Variants in PRR16 observed in about 807,000 individuals in gnomAD.
PRR16 encodes the protein proline rich 16.
PRR16 carries 6 observed loss-of-function variants against 18.2 expected under a neutral mutation model. The observed-to-expected ratio is 0.33, with a 90% CI of 0.18 to 0.65. The LOEUF is 0.65. PRR16 is among the 30% of genes least tolerant of loss of function. PRR16 has a pLI of 0.74. For synonymous variants in PRR16, 151 were observed against 147.8 expected (o/e 1.02, Z -0.16); for missense variants, 412 against 376.6 (o/e 1.09, Z -0.78).
intron 1 of PRR16, among the ~76,000 whole-genome samples, chr5:120,602,984 G>A (rs1395207048): frequency 6.6e-6 from 1 of 151,882 alleles, no homozygotes; most frequent in Non-Finnish European, 1.5e-5. Flanking sequence ...TGTTGAGGAT[G>A]TTTGCATCTA....
chr5:120,719,843 TTA>T, the PRR16 span, among the ~76,000 whole-genome samples: 6 of 152,024 alleles, frequency 3.9e-5, no homozygotes, highest in Non-Finnish European at 7.4e-5. Flanking sequence ...ACATATGAAT[TTA>T]TGTTAGGTGA....
the PRR16 span, among the ~76,000 whole-genome samples, chr5:120,779,673 A>T: frequency 1.4e-3 from 205 of 150,994 alleles, 1 homozygote; most frequent in Non-Finnish European, 2.1e-3. Context: ...CCCCAAAATA[A>T]TTAAATATTA....
At chr5:120,638,880 A>G (rs1755333196) in intron 1 of PRR16, among the ~76,000 whole-genome samples, 1 of 152,114 alleles carries the variant, frequency 6.6e-6, no homozygotes, top group Non-Finnish European at 1.5e-5. Flanking sequence ...AATATAATGA[A>G]TCATCTAATC....
chr5:120,657,467 A>G (rs796188415), intron 1 of PRR16, among the ~76,000 whole-genome samples: 3 of 151,928 alleles, frequency 2.0e-5, no homozygotes, highest in Non-Finnish European at 4.4e-5. Context: ...TATTTGCACT[A>G]TGAAAATTGG....
the PRR16 span, among the ~76,000 whole-genome samples, chr5:120,764,836 C>T: frequency 6.6e-6 from 1 of 152,002 alleles, no homozygotes; most frequent in African/African-American, 2.4e-5. Context: ...TTCTGCCACC[C>T]ACTGGCATTT....
the PRR16 span, among the ~76,000 whole-genome samples, chr5:120,709,036 C>A: frequency 2.9e-5 from 3 of 102,796 alleles, no homozygotes; most frequent in South Asian, 3.5e-4. Context: ...GAGACAGAGT[C>A]TTGCTCTGTG....
chr5:120,757,200 T>C, the PRR16 span, among the ~76,000 whole-genome samples: 1 of 152,096 alleles, frequency 6.6e-6, no homozygotes, highest in Non-Finnish European at 1.5e-5. Context: ...ACCACTACCA[T>C]GATGTTTTGG....
chr5:120,670,583 TC>T (rs1229205932), intron 1 of PRR16, among the ~76,000 whole-genome samples: 1 of 152,140 alleles, frequency 6.6e-6, no homozygotes, highest in African/African-American at 2.4e-5. Flanking sequence ...GATGATTAAA[TC>T]AGTCAGGAAG....
At chr5:120,753,334 G>A in the PRR16 span, among the ~76,000 whole-genome samples, 55 of 152,086 alleles carry the variant, frequency 3.6e-4, no homozygotes, top group East Asian at 9.6e-3. Flanking sequence ...AGGTTAAAAC[G>A]TCTTTTGCAT....
chr5:120,518,108 C>A (rs952164972), intron 1 of PRR16, among the ~76,000 whole-genome samples: 1 of 152,038 alleles, frequency 6.6e-6, no homozygotes, highest in Non-Finnish European at 1.5e-5. Flanking sequence ...ATGTGACTTA[C>A]CCTCTTTTTA....
Position 120,686,739 on chromosome 5 carries a change from A to C in PRR16, c.*30A>C, listed in dbSNP as rs1757141892. On this transcript the variant is annotated 3_prime_UTR_variant, in exon 2 of 2. Coordinates refer to ENST00000407149, the MANE Select transcript of PRR16 (RefSeq NM_001300783.2). ...TGCCATTAAAAAAATTGTTTTTTTA[A>C]TTTTCTATATTATAAACATAAAATA... The C allele has an allele frequency of 7.2e-7, 1 of 1,382,862 alleles. No homozygotes were observed. Among genetic ancestry groups the C allele is most frequent in the South Asian group, 1.8e-5 (1 of 56,754 alleles). The allele number at this position is 1,382,862 out of a possible 1,614,324, so 85.7% of individuals were successfully genotyped here.
At chr5:120,542,924 T>A (rs1005472387) in intron 1 of PRR16, among the ~76,000 whole-genome samples, 4 of 152,170 alleles carry the variant, frequency 2.6e-5, no homozygotes, top group Non-Finnish European at 5.9e-5. Context: ...GATTATTCAA[T>A]GTGTGGTTTT....
chr5:120,786,772 C>A, the PRR16 span, among the ~76,000 whole-genome samples: 3 of 151,888 alleles, frequency 2.0e-5, no homozygotes, highest in African/African-American at 4.8e-5. Flanking sequence ...AATCATACTG[C>A]CCTTACTGCA....
intron 1 of PRR16, among the ~76,000 whole-genome samples, chr5:120,475,069 G>A (rs1362048645): frequency 6.6e-6 from 1 of 152,194 alleles, no homozygotes. Flanking sequence ...ACTGACAACT[G>A]TTAACTTCTC....
intron 1 of PRR16, among the ~76,000 whole-genome samples, chr5:120,634,513 T>C (rs1006354969): frequency 6.6e-6 from 1 of 152,044 alleles, no homozygotes; most frequent in African/African-American, 2.4e-5. Context: ...CATGCTGGCA[T>C]GTGCCTGTAA....
chr5:120,646,912 T>G (rs570357754), intron 1 of PRR16, among the ~76,000 whole-genome samples: 1 of 152,124 alleles, frequency 6.6e-6, no homozygotes, highest in Admixed American at 6.6e-5. Context: ...ATTGTTTTGT[T>G]GGATTTTTTT....
chr5:120,533,627 AGTTT>A (rs1751621627), intron 1 of PRR16, among the ~76,000 whole-genome samples: 1 of 152,126 alleles, frequency 6.6e-6, no homozygotes, highest in Admixed American at 6.6e-5. Context: ...ACCAGGGAAA[AGTTT>A]CCAAAGCAGG....
intron 1 of PRR16, among the ~76,000 whole-genome samples, chr5:120,482,346 G>A (rs1749647225): frequency 6.6e-6 from 1 of 152,022 alleles, no homozygotes; most frequent in Non-Finnish European, 1.5e-5. Flanking sequence ...AGTGCCCAGT[G>A]TTTAGCTCCT....
chr5:120,771,400 A>T, the PRR16 span, among the ~76,000 whole-genome samples: 24 of 152,176 alleles, frequency 1.6e-4, no homozygotes, highest in Non-Finnish European at 3.5e-4. Context: ...AGCCTAAGAG[A>T]TGATGCAGCA....
Sources: allele counts gnomAD v4.1 joint callset (sites outside exome capture counted in the v4.1 genomes callset), GRCh38; gene constraint gnomAD v4.1.1; transcripts MANE v1.5; gene names NCBI Gene and HGNC (gene_info 2026-07-23, HGNC 2026-07-21).